STRBP: variants seen among roughly 807,000 people sequenced by gnomAD.
The protein encoded by STRBP is spermatid perinuclear RNA binding protein, also known as spermatid perinuclear RNA-binding protein.
STRBP carries 13 observed loss-of-function variants against 80.1 expected under a neutral mutation model. The observed-to-expected ratio is 0.16, with a 90% CI of 0.11 to 0.26. The LOEUF is 0.26. Ranked by LOEUF, STRBP falls within the 10% of genes least tolerant of loss-of-function variation. The pLI, the probability that STRBP is intolerant of heterozygous loss-of-function variation, is 1.00. For synonymous variants in STRBP, 284 were observed against 291.2 expected (o/e 0.98, Z 0.25); for missense variants, 485 against 815.2 (o/e 0.59, Z 4.93).
Position 123,123,508 on chromosome 9 carries a change from G to A in STRBP, c.*2089C>T. The A allele has an allele frequency of 1.0e-6, 1 of 976,160 alleles. No individual in the cohort carries two copies. Among genetic ancestry groups the A allele is most frequent in the Non-Finnish European group, 1.2e-6 (1 of 828,248 alleles). The allele number at this position is 976,160 out of a possible 1,614,324, so 60.5% of individuals were successfully genotyped here. Reference sequence around the variant, plus strand: ...ACTGGGCAGGTTTACAACATGGTTAGTAACTTCCAACAAACAACAAAATTA... The same window carrying A: ...ACTGGGCAGGTTTACAACATGGTTAATAACTTCCAACAAACAACAAAATTA... On this transcript the variant is annotated 3_prime_UTR_variant, in exon 19 of 19. Transcript: ENST00000348403.
intron 8 of STRBP, 67 bp from the exon 9 acceptor site, chr9:123,159,274 G>C: frequency 8.7e-7 from 1 of 1,151,246 alleles, no homozygotes; most frequent in Non-Finnish European, 1.3e-6. Context: ...TTAAATGTGA[G>C]CTAACATTTC....
chr9:123,123,213 C>A lies in STRBP; in HGVS notation c.*2384G>T. The A allele has an allele frequency of 1.0e-6, 1 of 985,368 alleles. No homozygotes were observed. Among genetic ancestry groups the A allele is most frequent in the Non-Finnish European group, 1.2e-6 (1 of 829,930 alleles). The allele number at this position is 985,368 out of a possible 1,614,324, so 61.0% of individuals were successfully genotyped here. ...ATAGGGGCTGTCAATGAAAAAACCACCTACAGTGGAGAAAAGAGCAGAGAA... is the reference window on the plus strand; with the variant it reads ...ATAGGGGCTGTCAATGAAAAAACCAACTACAGTGGAGAAAAGAGCAGAGAA... On this transcript the variant is annotated 3_prime_UTR_variant, in exon 19 of 19. Transcript: ENST00000348403.
At chr9:123,196,109 G>C (rs1172306576) in intron 2 of STRBP, among the ~76,000 whole-genome samples, 1 of 152,084 alleles carries the variant, frequency 6.6e-6, no homozygotes, top group Non-Finnish European at 1.5e-5. Flanking sequence ...AAGGTTCAAA[G>C]AACATACACT....
At chr9:123,206,051 G>A (rs1393075993) in intron 2 of STRBP, among the ~76,000 whole-genome samples, 8 of 152,198 alleles carry the variant, frequency 5.3e-5, no homozygotes, top group Non-Finnish European at 1.0e-4. Flanking sequence ...CTGTATTACA[G>A]TTCCGGCTCG....
intron 1 of STRBP, among the ~76,000 whole-genome samples, chr9:123,240,615 T>C (rs1461330329): frequency 6.6e-6 from 1 of 152,234 alleles, no homozygotes; most frequent in African/African-American, 2.4e-5. Context: ...TCTATAACTT[T>C]AGTCGCAAAC....
intron 2 of STRBP, among the ~76,000 whole-genome samples, chr9:123,233,266 G>C (rs775239088): frequency 4.6e-5 from 7 of 151,994 alleles, no homozygotes; most frequent in Non-Finnish European, 8.8e-5. Flanking sequence ...GAGATGGGGG[G>C]GTCTCACTAC....
chr9:123,228,810 A>G (rs1214685052), intron 2 of STRBP, among the ~76,000 whole-genome samples: 1 of 152,206 alleles, frequency 6.6e-6, no homozygotes, highest in Non-Finnish European at 1.5e-5. Context: ...GGGCTATAAT[A>G]TGACCCAGAA....
chr9:123,239,542 G>A (rs1243144225), intron 1 of STRBP, among the ~76,000 whole-genome samples: 3 of 152,256 alleles, frequency 2.0e-5, no homozygotes, highest in Admixed American at 2.0e-4. Context: ...TAGGACCAGG[G>A]CACAGAACGT....
chr9:123,157,789 C>T (rs1236483620), intron 11 of STRBP, among the ~76,000 whole-genome samples: 2 of 151,996 alleles, frequency 1.3e-5, no homozygotes, highest in Non-Finnish European at 2.9e-5. Flanking sequence ...ATTCAATTAC[C>T]TTCCACCGGT....
intron 2 of STRBP, among the ~76,000 whole-genome samples, chr9:123,190,339 C>T (rs1187733824): frequency 6.6e-6 from 1 of 151,294 alleles, no homozygotes; most frequent in Non-Finnish European, 1.5e-5. Flanking sequence ...ACATATAAAT[C>T]CAATACTCTC....
At chr9:123,173,903 A>T (rs1307121983) in intron 4 of STRBP, 61 bp from the exon 5 acceptor site, 1 of 1,517,114 alleles carries the variant, frequency 6.6e-7, no homozygotes, top group Non-Finnish European at 8.8e-7. Context: ...TAACTTAATC[A>T]TCACTTGGCT....
intron 1 of STRBP, among the ~76,000 whole-genome samples, chr9:123,248,568 C>T (rs956383634): frequency 6.6e-6 from 1 of 152,152 alleles, no homozygotes; most frequent in East Asian, 1.9e-4. Flanking sequence ...CCGCGCCCAG[C>T]CGAATTATTT....
At position 123,126,708 on chromosome 9, in the gene STRBP, AAAAG is replaced by A. The variant is rs2035908489; in HGVS notation, c.1943-1039_1943-1036del. 6.6e-6 allele frequency among the ~76,000 whole-genome samples: 1 copy of A among 152,218 alleles called. No individual in the cohort carries two copies. The highest frequency in any genetic ancestry group is 1.5e-5 in the Non-Finnish European group (1 of 68,024). On this transcript the variant is annotated intron_variant, in intron 18 of 18. Coordinates refer to ENST00000348403, the MANE Select transcript of STRBP (RefSeq NM_018387.5). This position sits in a 1 kb window ranked among gnomAD's most constrained non-coding sequence, Gnocchi z 4.4. ...AGAATCTGAAACTTACTGTATGTCTAAAAGAAAGACACAGATTTAAATATCTGCC... is the reference window on the plus strand; with the variant it reads ...AGAATCTGAAACTTACTGTATGTCTAAAAGACACAGATTTAAATATCTGCC...
chr9:123,141,240 T>C (rs1022120395), intron 13 of STRBP, among the ~76,000 whole-genome samples: 9 of 152,144 alleles, frequency 5.9e-5, no homozygotes, highest in South Asian at 2.1e-4. Context: ...TCGACCTACA[T>C]AGAAGTCTGT....
chr9:123,124,185 G>A lies in STRBP; in HGVS notation c.*1412C>T, dbSNP rs2035814150. 1.0e-6 allele frequency: 1 copy of A among 985,274 alleles called. No individual in the cohort carries two copies. Among genetic ancestry groups the A allele is most frequent in the African/African-American group, 1.7e-5 (1 of 57,218 alleles). The allele number at this position is 985,274 out of a possible 1,614,324, so 61.0% of individuals were successfully genotyped here. ...AAGCCCATTCTCATGGATGGGCCCTGTCAAGTTCCCAAAAGCAGAACTGAA... is the reference window on the plus strand; with the variant it reads ...AAGCCCATTCTCATGGATGGGCCCTATCAAGTTCCCAAAAGCAGAACTGAA... On this transcript the variant is annotated 3_prime_UTR_variant, in exon 19 of 19. Coordinates refer to ENST00000348403, the MANE Select transcript of STRBP (RefSeq NM_018387.5).
At chr9:123,149,941 T>C (rs1296657801) in intron 11 of STRBP, among the ~76,000 whole-genome samples, 2 of 152,208 alleles carry the variant, frequency 1.3e-5, no homozygotes, top group East Asian at 1.9e-4. Flanking sequence ...AGAGCTTACA[T>C]ATACTGGCCA....
At chr9:123,203,887 G>T (rs2039419248) in intron 2 of STRBP, among the ~76,000 whole-genome samples, 1 of 152,072 alleles carries the variant, frequency 6.6e-6, no homozygotes, top group Non-Finnish European at 1.5e-5. Flanking sequence ...CAGGAGAACT[G>T]CTTGAACCCA....
chr9:123,151,042 C>A (rs1248983296), intron 11 of STRBP, among the ~76,000 whole-genome samples: 1 of 152,102 alleles, frequency 6.6e-6, no homozygotes, highest in Non-Finnish European at 1.5e-5. Context: ...TTTTAAAAAT[C>A]CAGCACTCAT....
intron 2 of STRBP, among the ~76,000 whole-genome samples, chr9:123,207,204 A>G (rs2039549014): frequency 6.6e-6 from 1 of 152,212 alleles, no homozygotes; most frequent in Non-Finnish European, 1.5e-5. Context: ...GAGTAACTTC[A>G]ACACAGAAAC....
Sources: allele counts gnomAD v4.1 joint callset (sites outside exome capture counted in the v4.1 genomes callset), GRCh38; gene constraint gnomAD v4.1.1; non-coding constraint Gnocchi (gnomAD v3.1); transcripts MANE v1.5; gene names NCBI Gene and HGNC (gene_info 2026-07-23, HGNC 2026-07-21).